IBTK: variants seen among roughly 807,000 people sequenced by gnomAD.
IBTK encodes BTK-binding protein.
IBTK carries 83 observed loss-of-function variants against 154.9 expected under a neutral mutation model. The ratio of observed to expected loss-of-function variants is 0.54; its 90% confidence interval spans 0.45 to 0.64. The LOEUF (loss-of-function observed/expected upper bound fraction) is 0.64. Ranked by LOEUF, IBTK falls within the 30% of genes least tolerant of loss-of-function variation. The pLI is 0.00. For missense variants in IBTK, 1,332 were observed against 1,584.6 expected, an observed-to-expected ratio of 0.84 and a Z score of 2.71; for synonymous variants, 515 against 536.1, an observed-to-expected ratio of 0.96 and a Z score of 0.54.
chr6:82,211,024 C>G (rs904500878), intron 15 of IBTK, 114 bp from the exon 16 acceptor site: 1 of 496,358 alleles, frequency 2.0e-6, no homozygotes, highest in African/African-American at 2.0e-5. Context: ...ACATCAAATG[C>G]AAAACATAAA....
At chr6:82,200,086 G>T in intron 21 of IBTK, 55 bp downstream of exon 21, 1 of 1,079,310 alleles carries the variant, frequency 9.3e-7, no homozygotes, top group Non-Finnish European at 1.4e-6. Context: ...GATGACATAT[G>T]TGAATAGAGA....
At chr6:82,234,985 C>T (rs868519250) in intron 2 of IBTK, among the ~76,000 whole-genome samples, 1 of 151,892 alleles carries the variant, frequency 6.6e-6, no homozygotes, top group Non-Finnish European at 1.5e-5. Flanking sequence ...CTCAGCCTCC[C>T]GAGTAGCTGG....
chr6:82,219,913 T>A (rs939824871), intron 9 of IBTK, among the ~76,000 whole-genome samples: 1 of 152,148 alleles, frequency 6.6e-6, no homozygotes, highest in African/African-American at 2.4e-5. Context: ...CTTTACTTTT[T>A]TAACAGTTAC....
At chr6:82,246,379 G>A (rs954365553) in intron 1 of IBTK, among the ~76,000 whole-genome samples, 1 of 149,458 alleles carries the variant, frequency 6.7e-6, no homozygotes, top group Admixed American at 6.7e-5. Flanking sequence ...AGTTGGCCTC[G>A]AACTCCTGAC....
chr6:82,231,505 A>C (rs1182402643), intron 4 of IBTK, among the ~76,000 whole-genome samples: 1 of 152,186 alleles, frequency 6.6e-6, no homozygotes, highest in East Asian at 1.9e-4. Flanking sequence ...AATTGCACAA[A>C]TATCTTATAT....
At chr6:82,229,212 C>A (rs1419835396) in intron 4 of IBTK, among the ~76,000 whole-genome samples, 1 of 152,082 alleles carries the variant, frequency 6.6e-6, no homozygotes, top group Non-Finnish European at 1.5e-5. Flanking sequence ...AAATAAAATC[C>A]CTTAGATCCT....
At chr6:82,178,363 CTTTT>C (rs571359349) in intron 26 of IBTK, among the ~76,000 whole-genome samples, 1 of 151,778 alleles carries the variant, frequency 6.6e-6, no homozygotes, top group East Asian at 1.9e-4. Flanking sequence ...TATCTAAAGA[CTTTT>C]TTTTAAGTTT....
In IBTK at chr6:82,223,591, A is replaced by T. The variant is rs1770178689; in HGVS notation, c.973T>A (p.Cys325Ser). The change falls in exon 8 of 29, where the codon TGT becomes AGT. Residue 325 changes from cysteine to serine, a missense_variant. Coordinates refer to ENST00000306270, the MANE Select transcript of IBTK (RefSeq NM_015525.4). ...GAGACCTGACGAGGAGCAGTTACAC[A>T]CTTTTCTCCATTGGGATCTAGCAAA... ...GCLLDPNGEKCVTAPRQVSAL... is the reference protein window; with the variant it reads ...GCLLDPNGEKSVTAPRQVSAL... The T allele has an allele frequency of 6.2e-7, 1 of 1,613,072 alleles. No individual in the cohort carries two copies.
At chr6:82,189,087 C>G (rs1768662787) in intron 25 of IBTK, 1 of 415,624 alleles carries the variant, frequency 2.4e-6, no homozygotes, top group Admixed American at 3.0e-5. Flanking sequence ...CAATATCTGA[C>G]TAATGTGATT....
intron 8 of IBTK, among the ~76,000 whole-genome samples, chr6:82,220,937 T>TACACACACACACACACACACAC (rs57358110): frequency 1.6e-4 from 21 of 130,088 alleles, no homozygotes; most frequent in Admixed American, 4.0e-4. Flanking sequence ...TGACTTTACC[T>TACACACACACACACACACACAC]ACACACACAC....
chr6:82,173,333 C>T (rs934354499), intron 27 of IBTK, 34 bp downstream of exon 27: 6 of 1,492,456 alleles, frequency 4.0e-6, no homozygotes, highest in Non-Finnish European at 5.6e-6. Flanking sequence ...AGCAACTTAG[C>T]TTTGGAGGCC....
chr6:82,236,773 G>C (rs114939414), intron 2 of IBTK, among the ~76,000 whole-genome samples: 1 of 152,114 alleles, frequency 6.6e-6, no homozygotes, highest in Non-Finnish European at 1.5e-5. Flanking sequence ...CATCAGAGAC[G>C]GAACTGACAT....
At chr6:82,200,104 G>A in intron 21 of IBTK, 37 bp downstream of exon 21, 2 of 1,265,720 alleles carry the variant, frequency 1.6e-6, no homozygotes, top group Admixed American at 3.6e-5. Context: ...AGACATAGAA[G>A]ATTAGAACTG....
At chr6:82,199,821 A>G (rs1450371825) in intron 21 of IBTK, among the ~76,000 whole-genome samples, 3 of 152,172 alleles carry the variant, frequency 2.0e-5, no homozygotes, top group Admixed American at 6.5e-5. Flanking sequence ...AGAAATGTGC[A>G]ACTCTTTCTC....
intron 1 of IBTK, among the ~76,000 whole-genome samples, chr6:82,242,714 G>C (rs1170707456): frequency 1.4e-5 from 2 of 145,968 alleles, no homozygotes; most frequent in Admixed American, 1.4e-4. Context: ...TGGGAGGCCG[G>C]GGTGGGCGGA....
At chr6:82,234,880 G>T (rs1344746200) in intron 2 of IBTK, among the ~76,000 whole-genome samples, 2 of 151,522 alleles carry the variant, frequency 1.3e-5, no homozygotes, top group South Asian at 2.1e-4. Context: ...TTGCAGGGGG[G>T]ACGGAATCTC....
In IBTK at chr6:82,172,651, T is replaced by G. The variant is rs76505951; in HGVS notation, c.3798-139A>C. On this transcript the variant is annotated intron_variant, in intron 27 of 28. Coordinates refer to ENST00000306270, the MANE Select transcript of IBTK (RefSeq NM_015525.4). ...CGAACCTGGAAGCTTTCACAGAGAT[T>G]ACAGAATGATGAGTTTCACTCATCT... 135 of 657,086 alleles carry G rather than the reference T, an allele frequency of 2.1e-4. No individual in the cohort carries two copies. In the East Asian group the frequency reaches 3.7e-3, roughly 18 times the overall value. The allele number at this position is 657,086 out of a possible 1,614,324, so 40.7% of individuals were successfully genotyped here.
chr6:82,199,040 AAT>A (rs1252987417), intron 21 of IBTK, among the ~76,000 whole-genome samples: 4 of 152,176 alleles, frequency 2.6e-5, no homozygotes, highest in Non-Finnish European at 5.9e-5. Context: ...ATTTGTCAAC[AAT>A]TAGGAAAATG....
chr6:82,214,052 T>A (rs1769762352), intron 12 of IBTK, among the ~76,000 whole-genome samples, 175 bp downstream of exon 12: 2 of 151,642 alleles, frequency 1.3e-5, no homozygotes, highest in Non-Finnish European at 2.9e-5. Context: ...GCCTCCCGGG[T>A]TCAGGCCATT....
Sources: allele counts gnomAD v4.1 joint callset (sites outside exome capture counted in the v4.1 genomes callset), GRCh38; gene constraint gnomAD v4.1.1; transcripts MANE v1.5; gene names NCBI Gene and HGNC (gene_info 2026-07-23, HGNC 2026-07-21).